Variants in SLC25A13 observed in about 807,000 individuals in gnomAD.
The protein encoded by SLC25A13 is electrogenic aspartate/glutamate antiporter SLC25A13, mitochondrial.
SLC25A13 carries 70 observed loss-of-function variants against 85.5 expected under a neutral mutation model. The ratio of observed to expected loss-of-function variants is 0.82; its 90% CI spans 0.68 to 1.00. SLC25A13 has a LOEUF of 1.00. Ranked by LOEUF, SLC25A13 falls within the 50% of genes least tolerant of loss-of-function variation. The pLI is 0.00. For missense variants in SLC25A13, 765 were observed against 819.8 expected, an observed-to-expected ratio of 0.93 and a Z score of 0.82; for synonymous variants, 259 against 288.7, an observed-to-expected ratio of 0.90 and a Z score of 1.04.
intron 4 of SLC25A13, among the ~76,000 whole-genome samples, chr7:96,216,878 A>G (rs1795919938): frequency 6.6e-6 from 1 of 152,110 alleles, no homozygotes; most frequent in Admixed American, 6.6e-5. Context: ...GAACCTGCAC[A>G]TGTACCCCTG....
At chr7:96,207,148 A>G (rs1795493577) in intron 5 of SLC25A13, among the ~76,000 whole-genome samples, 1 of 152,190 alleles carries the variant, frequency 6.6e-6, no homozygotes, top group Non-Finnish European at 1.5e-5. Context: ...GGATTCACAG[A>G]CATTAACGCT....
intron 3 of SLC25A13, among the ~76,000 whole-genome samples, chr7:96,238,618 C>A (rs1406482839): frequency 6.6e-6 from 1 of 152,118 alleles, no homozygotes; most frequent in South Asian, 2.1e-4. Context: ...GAGGAATTCA[C>A]CGACAGGCCC....
chr7:96,292,300 A>T (rs954796507), intron 2 of SLC25A13, among the ~76,000 whole-genome samples: 7 of 152,204 alleles, frequency 4.6e-5, no homozygotes, highest in African/African-American at 1.2e-4. Flanking sequence ...AGAGCTATCT[A>T]TGACAAACCC....
At position 96,322,067 on chromosome 7, in the gene SLC25A13, A is replaced by T; in HGVS notation, c.-111T>A. ...CGGCGGCGGCGGTGGGGGCGGCGAT[A>T]CGGCCAGGCAGCGTGCGTTCCTGGC... is the stretch of plus-strand genomic sequence containing the variant. On this transcript the variant is annotated 5_prime_UTR_variant, in exon 1 of 18. Coordinates refer to ENST00000265631, the MANE Select transcript of SLC25A13 (RefSeq NM_014251.3). 1 of 1,418,904 alleles carries T rather than the reference A, an allele frequency of 7.0e-7. No individual in the cohort carries two copies. The allele number at this position is 1,418,904 out of a possible 1,614,324, so 87.9% of individuals were successfully genotyped here. A position where few individuals can be genotyped will look rare whatever the true frequency, so the allele number is the denominator to read the frequency against.
At chr7:96,175,895 A>G (rs1584412397) in intron 11 of SLC25A13, among the ~76,000 whole-genome samples, 1 of 152,306 alleles carries the variant, frequency 6.6e-6, no homozygotes, top group South Asian at 2.1e-4. Flanking sequence ...CATTCCTAAG[A>G]CCTAGGCCAG....
chr7:96,213,087 A>G (rs1456726032), intron 4 of SLC25A13, among the ~76,000 whole-genome samples: 1 of 152,226 alleles, frequency 6.6e-6, no homozygotes, highest in African/African-American at 2.4e-5. Context: ...CATTTTCTCC[A>G]AAAATATTTT....
chr7:96,250,317 G>A (rs1418570891), intron 3 of SLC25A13, among the ~76,000 whole-genome samples: 1 of 152,188 alleles, frequency 6.6e-6, no homozygotes, highest in Admixed American at 6.5e-5. Context: ...CCAAGTAGAT[G>A]CAATATCCTC....
intron 1 of SLC25A13, among the ~76,000 whole-genome samples, chr7:96,307,574 A>T (rs944345325): frequency 3.4e-5 from 5 of 145,024 alleles, no homozygotes; most frequent in East Asian, 2.0e-4. Flanking sequence ...AAATTTAATT[A>T]AAAAAAAAAA....
chr7:96,147,150 C>T (rs1236703854), intron 13 of SLC25A13, among the ~76,000 whole-genome samples: 27 of 151,104 alleles, frequency 1.8e-4, no homozygotes, highest in Admixed American at 1.8e-3. Context: ...ACTAGGAGGA[C>T]AAAGGCTCTT....
chr7:96,255,819 CAGAA>C (rs1312565085), intron 3 of SLC25A13, among the ~76,000 whole-genome samples: 1 of 152,046 alleles, frequency 6.6e-6, no homozygotes, highest in Non-Finnish European at 1.5e-5. Context: ...AGAAGGGCTC[CAGAA>C]AGAAAGGTCG....
chr7:96,315,733 A>G (rs1049843407), intron 1 of SLC25A13, among the ~76,000 whole-genome samples: 2 of 152,074 alleles, frequency 1.3e-5, no homozygotes, highest in Non-Finnish European at 2.9e-5. Context: ...TAGCACAAAA[A>G]CTGATTTGTT....
chr7:96,136,058 A>G (rs1395893426), intron 14 of SLC25A13, among the ~76,000 whole-genome samples: 1 of 152,138 alleles, frequency 6.6e-6, no homozygotes, highest in East Asian at 1.9e-4. Flanking sequence ...TAATATCCAG[A>G]CAGGGACAAC....
At chr7:96,260,807 A>G (rs547887305) in intron 3 of SLC25A13, among the ~76,000 whole-genome samples, 2 of 151,978 alleles carry the variant, frequency 1.3e-5, no homozygotes, top group South Asian at 4.2e-4. Flanking sequence ...GCACAGTCCT[A>G]ATTTCCCTTT....
chr7:96,240,431 A>G (rs936973668), intron 3 of SLC25A13, among the ~76,000 whole-genome samples: 1 of 152,168 alleles, frequency 6.6e-6, no homozygotes, highest in Non-Finnish European at 1.5e-5. Flanking sequence ...CCTATTCTAC[A>G]TGTTTGGCAG....
intron 6 of SLC25A13, among the ~76,000 whole-genome samples, chr7:96,192,092 G>A (rs966819062): frequency 1.3e-5 from 2 of 152,088 alleles, no homozygotes; most frequent in Admixed American, 6.5e-5. Context: ...AGAAGGGGGC[G>A]CCCAAGAAAA....
chr7:96,157,760 C>T (rs1247076973), intron 13 of SLC25A13, among the ~76,000 whole-genome samples: 1 of 152,096 alleles, frequency 6.6e-6, no homozygotes, highest in Non-Finnish European at 1.5e-5. Context: ...AAGATTACAC[C>T]ACTGCACTCC....
chr7:96,247,129 T>C (rs1418956437), intron 3 of SLC25A13, among the ~76,000 whole-genome samples: 1 of 152,214 alleles, frequency 6.6e-6, no homozygotes, highest in Non-Finnish European at 1.5e-5. Context: ...TATAGAGCCA[T>C]ATGCCCGAAT....
chr7:96,148,612 T>C (rs777056914), intron 13 of SLC25A13, among the ~76,000 whole-genome samples: 7 of 152,110 alleles, frequency 4.6e-5, no homozygotes, highest in African/African-American at 7.2e-5. Context: ...AATGTAAAGA[T>C]TGTTTTATGG....
At chr7:96,194,464 AAAAGGAAC>A (rs1794985050) in intron 5 of SLC25A13, among the ~76,000 whole-genome samples, 1 of 145,816 alleles carries the variant, frequency 6.9e-6, no homozygotes, top group African/African-American at 2.7e-5. Context: ...AAAAAAAAAA[AAAAGGAAC>A]ACCAACAGGG....
Sources: allele counts gnomAD v4.1 joint callset (sites outside exome capture counted in the v4.1 genomes callset), GRCh38; gene constraint gnomAD v4.1.1; transcripts MANE v1.5; gene names NCBI Gene and HGNC (gene_info 2026-07-23, HGNC 2026-07-21).